The following GATAD2A variants were observed in gnomAD, a reference collection of about 807,000 sequenced individuals.
GATAD2A encodes the protein transcriptional repressor p66-alpha.
In GATAD2A, 12 loss-of-function variants were observed where a neutral mutation model predicts 68.5. The observed-to-expected ratio is 0.18, with a 90% CI of 0.11 to 0.28. GATAD2A has a LOEUF of 0.28. Among genes scored for constraint, GATAD2A ranks in the 10% least tolerant of loss-of-function variants. GATAD2A has a pLI of 1.00. For missense variants in GATAD2A, 755 were observed against 868.5 expected, an observed-to-expected ratio of 0.87 and a Z score of 1.64; for synonymous variants, 410 against 375.3, an observed-to-expected ratio of 1.09 and a Z score of -1.07.
chr19:19,392,871 A>G (rs1247375692), intron 1 of GATAD2A, among the ~76,000 whole-genome samples: 1 of 151,600 alleles, frequency 6.6e-6, no homozygotes, highest in Non-Finnish European at 1.5e-5. Context: ...TGATTTTTGT[A>G]TTTTTAGTAG....
Position 19,470,694 on chromosome 19 carries a change from G to A in GATAD2A, c.269+5080G>A, listed in dbSNP as rs1030870718. 3.9e-5 allele frequency among the ~76,000 whole-genome samples: 6 copies of A among 152,068 alleles called. No individual in the cohort carries two copies. The South Asian group carries it at 6.2e-4, about 16-fold the overall frequency. ...TACATCCTCCCAATTGTAGGTGAACGTTCTCTGTTGATCATACATTGGACC... is the reference window on the plus strand; with the variant it reads ...TACATCCTCCCAATTGTAGGTGAACATTCTCTGTTGATCATACATTGGACC... On this transcript the variant is annotated intron_variant, in intron 2 of 11. Transcript: ENST00000683918.
chr19:19,453,369 A>T (rs1160811438), intron 1 of GATAD2A, among the ~76,000 whole-genome samples: 1 of 152,238 alleles, frequency 6.6e-6, no homozygotes, highest in African/African-American at 2.4e-5. Flanking sequence ...TTGGGACAGT[A>T]TAAAATTGAC....
chr19:19,460,167 G>C (rs1264041008), intron 1 of GATAD2A, among the ~76,000 whole-genome samples: 1 of 152,178 alleles, frequency 6.6e-6, no homozygotes, highest in Non-Finnish European at 1.5e-5. Context: ...TTGACTCTTA[G>C]GAAGTGGGAG....
At chr19:19,496,559 G>C (rs574539207) in intron 7 of GATAD2A, among the ~76,000 whole-genome samples, 1 of 152,232 alleles carries the variant, frequency 6.6e-6, no homozygotes, top group Non-Finnish European at 1.5e-5. Context: ...GGGGATAGTC[G>C]AGGCCCAGGA....
At chr19:19,490,504 T>C (rs1026447713) in intron 2 of GATAD2A, among the ~76,000 whole-genome samples, 1 of 152,146 alleles carries the variant, frequency 6.6e-6, no homozygotes. Flanking sequence ...CCAGGACAAC[T>C]TTGAGCTGCG....
chr19:19,455,932 C>T (rs574919667), intron 1 of GATAD2A, among the ~76,000 whole-genome samples: 5 of 151,994 alleles, frequency 3.3e-5, no homozygotes, highest in South Asian at 2.1e-4. Context: ...AGGCGGATCA[C>T]GAGGTCAGGA....
intron 1 of GATAD2A, among the ~76,000 whole-genome samples, chr19:19,437,958 T>A (rs1480868809): frequency 6.6e-6 from 1 of 152,234 alleles, no homozygotes; most frequent in Non-Finnish European, 1.5e-5. Flanking sequence ...AGTTACTGGA[T>A]CATATGGTAA....
Position 19,465,605 on chromosome 19 carries a change from C to T in GATAD2A, c.260C>T (p.Thr87Ile), listed in dbSNP as rs1327816760. The T allele has an allele frequency of 1.2e-6, 2 of 1,608,306 alleles. No homozygotes were observed. Among genetic ancestry groups the T allele is most frequent in the South Asian group, 1.1e-5 (1 of 90,616 alleles). Reference sequence around the variant, plus strand: ...GGCGATGGGCCCGTGGACATGCGCACCTCACACAGGTGAGTGGGAGGAGCC... The same window carrying T: ...GGCGATGGGCCCGTGGACATGCGCATCTCACACAGGTGAGTGGGAGGAGCC... ...LVGDGPVDMR[T>I]SHSDMKSERR... is the part of the protein sequence containing the mutation. The change falls in exon 2 of 12, where the codon ACC becomes ATC. Residue 87 changes from threonine to isoleucine, a missense_variant. Transcript: ENST00000683918.
At chr19:19,403,433 C>T (rs1485791815), upstream of GATAD2A, among the ~76,000 whole-genome samples, 2 of 152,156 alleles carry the variant, frequency 1.3e-5, no homozygotes, top group Non-Finnish European at 2.9e-5. Context: ...CCCTGCACCC[C>T]TCCTACTCCC....
At chr19:19,417,361 A>G (rs1440939149) in intron 1 of GATAD2A, among the ~76,000 whole-genome samples, 1 of 152,160 alleles carries the variant, frequency 6.6e-6, no homozygotes, top group African/African-American at 2.4e-5. Flanking sequence ...TTCTTACTAC[A>G]TGGCAGAAGC....
At chr19:19,505,178 G>A (rs922977199) in intron 11 of GATAD2A, among the ~76,000 whole-genome samples, 166 bp from the exon 12 acceptor site, 1 of 152,104 alleles carries the variant, frequency 6.6e-6, no homozygotes, top group Non-Finnish European at 1.5e-5. Flanking sequence ...GCTCTGGGGG[G>A]GCCTGGGATT....
chr19:19,478,362 A>T (rs1015862507), intron 2 of GATAD2A, among the ~76,000 whole-genome samples: 1 of 152,182 alleles, frequency 6.6e-6, no homozygotes, highest in Non-Finnish European at 1.5e-5. Flanking sequence ...GCACTTTGGG[A>T]GGCCGAGGTG....
At chr19:19,491,250 G>GAA (rs1460099729) in intron 2 of GATAD2A, among the ~76,000 whole-genome samples, 1 of 152,136 alleles carries the variant, frequency 6.6e-6, no homozygotes, top group African/African-American at 2.4e-5. Flanking sequence ...AGACGTTTGT[G>GAA]ACCATACTTT....
At chr19:19,387,256 C>G (rs2048501487) in intron 1 of GATAD2A, among the ~76,000 whole-genome samples, 2 of 151,770 alleles carry the variant, frequency 1.3e-5, no homozygotes, top group Admixed American at 1.3e-4. Flanking sequence ...GAAGCCTTGC[C>G]TCTCTGTGGG....
At chr19:19,412,399 C>T (rs956786461) in intron 1 of GATAD2A, among the ~76,000 whole-genome samples, 12 of 151,940 alleles carry the variant, frequency 7.9e-5, no homozygotes, top group African/African-American at 2.4e-4. Context: ...TTGTGATCCA[C>T]CTGCCTCGGC....
At chr19:19,398,977 TG>T (rs2049487901) in intron 1 of GATAD2A, among the ~76,000 whole-genome samples, 1 of 152,106 alleles carries the variant, frequency 6.6e-6, no homozygotes, top group Admixed American at 6.5e-5. Context: ...GAGAATCGCT[TG>T]AACCCGGGCA....
chr19:19,463,703 G>C (rs2057649851), intron 1 of GATAD2A, among the ~76,000 whole-genome samples: 1 of 152,162 alleles, frequency 6.6e-6, no homozygotes, highest in South Asian at 2.1e-4. Flanking sequence ...GCACCTGGGT[G>C]GTGGTGAGAC....
At position 19,423,048 on chromosome 19, in the gene GATAD2A, C is replaced by T. The variant is rs551868475; in HGVS notation, c.-7+17029C>T. On this transcript the variant is annotated intron_variant, in intron 1 of 11. Coordinates refer to ENST00000683918, the MANE Select transcript of GATAD2A (RefSeq NM_001384528.1). Reference sequence around the variant, plus strand: ...TTGAGTTAGGATTTCGTTCTGTCATCCAGGCTGGCGTGCAGTGGCACAAAA... The same window carrying T: ...TTGAGTTAGGATTTCGTTCTGTCATTCAGGCTGGCGTGCAGTGGCACAAAA... Among the ~76,000 whole-genome samples the T allele has an allele frequency of 3.3e-5, 5 of 152,262 alleles. No individual in the cohort carries two copies. The South Asian group carries it at 1.0e-3, about 32-fold the overall frequency.
rs56786913 is a variant in GATAD2A, at chr19:19,417,860, T to A, written c.-7+11841T>A. 7.5e-3 allele frequency among the ~76,000 whole-genome samples: 1,144 copies of A among 152,294 alleles called. 16 individuals carry two copies. The highest frequency in any genetic ancestry group is 0.025 in the African/African-American group (1,054 of 41,556). On this transcript the variant is annotated intron_variant, in intron 1 of 11. Coordinates refer to ENST00000683918, the MANE Select transcript of GATAD2A (RefSeq NM_001384528.1). ...TACCAAGGGCTGAGGACAGTTCATCTGTTTGACAACTGTTGGAGTGCCTTC... is the reference window on the plus strand; with the variant it reads ...TACCAAGGGCTGAGGACAGTTCATCAGTTTGACAACTGTTGGAGTGCCTTC...
Sources: gnomAD v4.1 joint callset for allele counts (sites outside exome capture counted in the v4.1 genomes callset) on GRCh38, gnomAD v4.1.1 for gene constraint, MANE v1.5 for transcripts, NCBI Gene and HGNC (gene_info 2026-07-23, HGNC 2026-07-21) for gene names.